Variants in SNX15 observed in about 807,000 individuals in gnomAD.
The protein encoded by SNX15 is sorting nexin 15, also known as sorting nexin-15.
In SNX15, 29 loss-of-function variants were observed where a neutral mutation model predicts 35.2. That is an observed-to-expected ratio of 0.82 (90% CI 0.61 to 1.12). The LOEUF (loss-of-function observed/expected upper bound fraction) is 1.12. SNX15 is among the 50% of genes most tolerant of loss of function. The probability of loss-of-function intolerance (pLI) is 0.00; values close to 1 mark genes in which losing one functional copy is unlikely to be tolerated. For synonymous variants in SNX15, 189 were observed against 188.2 expected, an observed-to-expected ratio of 1.00 and a Z score of -0.03; for missense variants, 400 against 451.5, an observed-to-expected ratio of 0.89 and a Z score of 1.03.
intron 7 of SNX15, 105 bp from the exon 8 acceptor site, chr11:65,039,581 G>A (rs1946553251): frequency 3.0e-6 from 2 of 662,274 alleles, no homozygotes; most frequent in East Asian, 2.8e-5. Flanking sequence ...CAGAGAGGAG[G>A]GAAAAGCACA....
intron 5 of SNX15, 22 bp from the exon 6 acceptor site, chr11:65,035,497 GA>G: frequency 1.9e-6 from 3 of 1,561,752 alleles, no homozygotes; most frequent in Non-Finnish European, 2.6e-6. Flanking sequence ...AGGTATTCAT[GA>G]CCCCACTTAT....
chr11:65,033,730 TCTCA>T (rs1946467664), intron 3 of SNX15, among the ~76,000 whole-genome samples: 1 of 151,628 alleles, frequency 6.6e-6, no homozygotes, highest in Non-Finnish European at 1.5e-5. Flanking sequence ...TGAGACAGAG[TCTCA>T]CTCTGTCACC....
Position 65,030,601 on chromosome 11 carries a change from T to C in SNX15, c.100-1567T>C, listed in dbSNP as rs369024999. 2.8e-3 allele frequency among the ~76,000 whole-genome samples: 420 copies of C among 149,064 alleles called. 3 individuals are homozygous for C. The highest frequency in any genetic ancestry group is 9.4e-3 in the African/African-American group (381 of 40,394). On this transcript the variant is annotated intron_variant, in intron 1 of 7. Coordinates refer to ENST00000377244, the MANE Select transcript of SNX15 (RefSeq NM_013306.5). ...GCAACCTCTGCCTCCTGGGTTCAAG[T>C]GATTCTCCTGCCTCAGCCTCCTGAG...
chr11:65,034,821 C>T lies in SNX15; in HGVS notation c.257-26C>T, dbSNP rs762144782. 6 of 1,591,672 alleles carry T rather than the reference C, an allele frequency of 3.8e-6. No homozygotes were observed. The Admixed American group carries it at 6.7e-5, about 18-fold the overall frequency. Reference sequence around the variant, plus strand: ...CCCCTGTGGGTCACCGCCACTCTCCCCTGTTCCTTGTCCTGGGGGCCGTAG... The same window carrying T: ...CCCCTGTGGGTCACCGCCACTCTCCTCTGTTCCTTGTCCTGGGGGCCGTAG... On this transcript the variant is annotated intron_variant, in intron 3 of 7. Transcript: ENST00000377244.
chr11:65,037,550 C>A (rs921878481), intron 6 of SNX15: 4 of 152,214 alleles, frequency 2.6e-5, no homozygotes, highest in Non-Finnish European at 4.4e-5. Context: ...CAGACAGCTC[C>A]AATGAGACAT....
chr11:65,038,807 C>A lies in SNX15; in HGVS notation c.900C>A (p.His300Gln). 2.5e-6 allele frequency: 4 copies of A among 1,590,708 alleles called. No homozygotes were observed. Among genetic ancestry groups the A allele is most frequent in the Non-Finnish European group, 3.4e-6 (4 of 1,168,228 alleles). ...TCCAGGGCTATCGAGACGGCGTGCA[C>A]GTCTTGCTTCAGGGAGTCCCCAGTG... ...AALQGYRDGV[H>Q]VLLQGVPSDP... The change falls in exon 7 of 8, where the codon CAC becomes CAA. Residue 300 changes from histidine (H) to glutamine (Q), a missense_variant. Transcript: ENST00000377244.
intron 1 of SNX15, among the ~76,000 whole-genome samples, chr11:65,029,855 G>C (rs974786370): frequency 6.6e-6 from 1 of 151,824 alleles, no homozygotes; most frequent in African/African-American, 2.4e-5. Flanking sequence ...GGAATTACAG[G>C]TGTGAACCAC....
In SNX15 at chr11:65,035,045, T is replaced by A. The variant is rs781625293; in HGVS notation, c.373-14T>A. On this transcript the variant is annotated splice_polypyrimidine_tract_variant and intron_variant, in intron 4 of 7. Transcript: ENST00000377244. ...ACCCCATGACTCCCCATGTCTGATC[T>A]TTCTGTCCTGCAGGGTGGGGAGGTG... 23 of 1,613,702 alleles carry A rather than the reference T, an allele frequency of 1.4e-5. No individual in the cohort carries two copies. In the South Asian group the frequency reaches 2.4e-4, roughly 17 times the overall value.
In SNX15 at chr11:65,027,674, T is replaced by G. The variant is rs747267845; in HGVS notation, c.99+38T>G. 7 of 1,479,424 alleles carry G rather than the reference T, an allele frequency of 4.7e-6. No individual in the cohort carries two copies. In the East Asian group the frequency reaches 1.4e-4, roughly 29 times the overall value. The allele number at this position is 1,479,424 out of a possible 1,614,324, so 91.6% of individuals were successfully genotyped here. ...CCAGCGCGTACTTTACCCTTTTAAC[T>G]AGAGGGGCGCCGAGTTTTACCTTAA... On this transcript the variant is annotated intron_variant, in intron 1 of 7. Coordinates refer to ENST00000377244, the MANE Select transcript of SNX15 (RefSeq NM_013306.5).
At chr11:65,029,580 A>G (rs1946417769) in intron 1 of SNX15, among the ~76,000 whole-genome samples, 1 of 150,250 alleles carries the variant, frequency 6.7e-6, no homozygotes, top group African/African-American at 2.4e-5. Context: ...AAATATATGT[A>G]TGTATATATT....
chr11:65,027,720 G>GC, intron 1 of SNX15, 84 bp downstream of exon 1: 1 of 1,015,264 alleles, frequency 9.8e-7, no homozygotes, highest in Non-Finnish European at 1.5e-6. Flanking sequence ...TGCAGCCACT[G>GC]CTCCCTTTTT....
chr11:65,038,317 C>G, intron 6 of SNX15: 4 of 1,173,148 alleles, frequency 3.4e-6, no homozygotes, highest in Non-Finnish European at 4.2e-6. Context: ...TGACCCAGAG[C>G]TTACAAACTA....
intron 1 of SNX15, 60 bp downstream of exon 1, chr11:65,027,696 T>G (rs1946388453): frequency 1.5e-6 from 2 of 1,291,434 alleles, no homozygotes; most frequent in African/African-American, 2.9e-5. Flanking sequence ...GAGTTTTACC[T>G]TAAGGAAAGG....
At chr11:65,035,449 A>C (rs1301226429) in intron 5 of SNX15, 71 bp from the exon 6 acceptor site, 5 of 1,492,784 alleles carry the variant, frequency 3.3e-6, no homozygotes, top group South Asian at 1.3e-5. Context: ...GGGTTTAAGG[A>C]GAGAGTAATT....
At chr11:65,032,740 T>C (rs1946455336) in intron 3 of SNX15, among the ~76,000 whole-genome samples, 189 bp downstream of exon 3, 1 of 152,164 alleles carries the variant, frequency 6.6e-6, no homozygotes, top group Non-Finnish European at 1.5e-5. Context: ...ACCCTTACTG[T>C]GTATTTCACC....
chr11:65,035,733 C>T (rs966802668), intron 6 of SNX15, 70 bp downstream of exon 6: 49 of 1,502,750 alleles, frequency 3.3e-5, no homozygotes, highest in Non-Finnish European at 4.2e-5. Context: ...GGGCAGAGCC[C>T]CACTAGCCTG....
chr11:65,035,633 C>A lies in SNX15; in HGVS notation c.634C>A (p.Leu212Ile). 6.2e-7 allele frequency: 1 copy of A among 1,611,960 alleles called. No homozygotes were observed. The highest frequency in any genetic ancestry group is 8.5e-7 in the Non-Finnish European group (1 of 1,179,084). Residue 212 changes from leucine (L) to isoleucine (I), a missense_variant, in exon 6 of 8, where the codon CTT becomes ATT. Leu to Ile is a conservative substitution (Grantham distance 5). Transcript: ENST00000377244. ...CCGAGGCCCCCTCACCGAGGCTGAG[C>A]TTGCCCTCTTCGACCCCTTCTCCAA... The part of the protein sequence containing the change: ...PARGPLTEAE[L>I]ALFDPFSKEE...
At position 65,027,570 on chromosome 11, in the gene SNX15, G is replaced by A. The variant is rs765147382; in HGVS notation, c.33G>A (p.Arg11=). Residue 11 remains arginine, a synonymous_variant, in exon 1 of 8, where the codon CGG becomes CGA. Coordinates refer to ENST00000377244, the MANE Select transcript of SNX15 (RefSeq NM_013306.5). ...GCCAGGCGAAGGATGACTTCCTGCG[G>A]CACTACACAGTGTCGGACCCCAGGA... The part of the protein sequence containing the change: MSRQAKDDFL[R]HYTVSDPRTH... The A allele has an allele frequency of 3.7e-6, 6 of 1,614,098 alleles. No homozygotes were observed. Among genetic ancestry groups the A allele is most frequent in the Middle Eastern group, 1.6e-4 (1 of 6,062 alleles).
In SNX15 at chr11:65,035,115, C is replaced by G. The variant is rs752143976; in HGVS notation, c.429C>G (p.Pro143=). ...CCAGGGACCTACACATCCTGCCACC[C>G]CCTCTGATCCCCACCCCGCCCCCTG... ...EVSRDLHILP[P]PLIPTPPPDD... Residue 143 remains proline, a synonymous_variant, in exon 5 of 8, where the codon CCC becomes CCG. Coordinates refer to ENST00000377244, the MANE Select transcript of SNX15 (RefSeq NM_013306.5). 261 of 1,608,990 alleles carry G rather than the reference C, an allele frequency of 1.6e-4. No homozygotes were observed. Among genetic ancestry groups the G allele is most frequent in the Non-Finnish European group, 2.1e-4 (252 of 1,178,198 alleles).
Sources: allele counts gnomAD v4.1 joint callset (sites outside exome capture counted in the v4.1 genomes callset), GRCh38; gene constraint gnomAD v4.1.1; transcripts MANE v1.5; gene names NCBI Gene and HGNC (gene_info 2026-07-23, HGNC 2026-07-21).